The following AEBP2 variants were observed in gnomAD, a reference collection of about 807,000 sequenced individuals.
The protein encoded by AEBP2 is AE binding protein 2.
AEBP2 carries 10 observed loss-of-function variants against 50.8 expected under a neutral mutation model. The ratio of observed to expected loss-of-function variants is 0.20; its 90% CI spans 0.12 to 0.33. The LOEUF (loss-of-function observed/expected upper bound fraction) is 0.33, where lower values mean the gene tolerates loss of function less well. Ranked by LOEUF, AEBP2 falls within the 10% of genes least tolerant of loss-of-function variation. AEBP2 has a pLI of 1.00. For missense variants in AEBP2, 570 were observed against 688.0 expected (o/e 0.83, Z 1.92); for synonymous variants, 296 against 261.3 (o/e 1.13, Z -1.28).
intron 1 of AEBP2, among the ~76,000 whole-genome samples, chr12:19,449,231 T>C (rs1446587127): frequency 6.6e-6 from 1 of 152,170 alleles, no homozygotes; most frequent in Non-Finnish European, 1.5e-5. Flanking sequence ...AATTGCTTCT[T>C]TATTAAATGG....
chr12:19,421,661 C>T (rs559393336), intron 1 of AEBP2, among the ~76,000 whole-genome samples: 1 of 152,224 alleles, frequency 6.6e-6, no homozygotes, highest in East Asian at 1.9e-4. Context: ...AAAAAGAAAA[C>T]GAAACATTCA....
intron 1 of AEBP2, among the ~76,000 whole-genome samples, chr12:19,447,173 T>C (rs1281737065): frequency 6.6e-6 from 1 of 152,238 alleles, no homozygotes; most frequent in Admixed American, 6.5e-5. Context: ...GTGAGGCCTT[T>C]CATGCCAACA....
At chr12:19,457,292 T>G in intron 1 of AEBP2, 1 of 1,563,796 alleles carries the variant, frequency 6.4e-7, no homozygotes, top group Admixed American at 1.7e-5. Context: ...GCAGCAACAA[T>G]CAGGACAGCA....
intron 6 of AEBP2, among the ~76,000 whole-genome samples, chr12:19,512,668 T>TC (rs1409162047): frequency 2.0e-5 from 3 of 148,074 alleles, no homozygotes; most frequent in Admixed American, 1.4e-4. Context: ...AAGCCCCCCC[T>TC]CTTTTTTTTT....
At chr12:19,445,907 T>G (rs1948054713) in intron 1 of AEBP2, 1 of 152,174 alleles carries the variant, frequency 6.6e-6, no homozygotes, top group African/African-American at 2.4e-5. Flanking sequence ...TTCTTTTTTT[T>G]GGACGATAAC....
intron 5 of AEBP2, among the ~76,000 whole-genome samples, chr12:19,512,095 C>T (rs1197852710): frequency 7.2e-5 from 11 of 151,876 alleles, no homozygotes; most frequent in African/African-American, 1.2e-4. Context: ...GATCTTGGCT[C>T]ACTGCAACCG....
At chr12:19,435,492 C>G (rs1430273037), upstream of AEBP2, among the ~76,000 whole-genome samples, 1 of 152,156 alleles carries the variant, frequency 6.6e-6, no homozygotes. Context: ...TCTGTCTCAG[C>G]TCTCCACAGT....
chr12:19,415,792 A>G (rs1435668304), intron 1 of AEBP2, among the ~76,000 whole-genome samples: 2 of 152,146 alleles, frequency 1.3e-5, no homozygotes, highest in East Asian at 3.8e-4. Flanking sequence ...ACCCATGGCA[A>G]TGATGTTTTC....
intron 1 of AEBP2, among the ~76,000 whole-genome samples, chr12:19,415,332 AAAAAAAAAAAAAAAAAAAATAT>A (rs1317825571): frequency 2.7e-4 from 10 of 36,956 alleles, no homozygotes; most frequent in African/African-American, 1.0e-3. Context: ...AAAAAAAAAA[AAAAAAAAAAAAAAAAAAAATAT>A]ATATATATAT....
In AEBP2 at chr12:19,440,107, G is replaced by A. The variant is rs1043209682; in HGVS notation, c.408G>A (p.Glu136=). The A allele has an allele frequency of 7.3e-6, 11 of 1,507,294 alleles. No individual in the cohort carries two copies. The highest frequency in any genetic ancestry group is 9.7e-6 in the Non-Finnish European group (11 of 1,134,210). 93.4% of individuals were successfully genotyped at this position (1,507,294 alleles called of 1,614,324 possible). Reference sequence around the variant, plus strand: ...GCAGCGGCGGGAGCAGCAGCGACGAGACCCGCTCGTTGAGCCCCGGCGCCG... The same window carrying A: ...GCAGCGGCGGGAGCAGCAGCGACGAAACCCGCTCGTTGAGCCCCGGCGCCG... ...VGSSGGSSSD[E]TRSLSPGAAS... is the part of the protein sequence containing the mutation. The change falls in exon 1 of 8, where the codon GAG becomes GAA. Residue 136 remains glutamate (E), a synonymous_variant. Transcript: ENST00000266508.
intron 1 of AEBP2, chr12:19,456,741 G>A: frequency 1.3e-6 from 2 of 1,589,330 alleles, no homozygotes; most frequent in South Asian, 1.1e-5. Context: ...TTCACTCAAA[G>A]CTTCATGGTG....
At chr12:19,493,631 AACTT>A (rs902366377) in intron 3 of AEBP2, among the ~76,000 whole-genome samples, 165 bp from the exon 4 acceptor site, 3 of 152,166 alleles carry the variant, frequency 2.0e-5, no homozygotes, top group Non-Finnish European at 2.9e-5. Context: ...CTTACTTGGC[AACTT>A]ACTTCGTAAA....
chr12:19,500,235 T>G lies in AEBP2; in HGVS notation c.1299+14T>G. 1 of 1,437,792 alleles carries G rather than the reference T, an allele frequency of 7.0e-7. No individual in the cohort carries two copies. The allele number at this position is 1,437,792 out of a possible 1,614,324, so 89.1% of individuals were successfully genotyped here. On this transcript the variant is annotated intron_variant, in intron 5 of 7. Coordinates refer to ENST00000266508, the MANE Select transcript of AEBP2 (RefSeq NM_153207.5). ...TTTCATAGTACTGTAAGTATTCTTT[T>G]ATTTTTTCAAATTAAATATAAAACT...
intron 3 of AEBP2, among the ~76,000 whole-genome samples, chr12:19,483,424 A>G (rs1297590833): frequency 6.6e-6 from 1 of 152,070 alleles, no homozygotes; most frequent in African/African-American, 2.4e-5. Flanking sequence ...TTGGGAACTC[A>G]CAGTTTTTTA....
chr12:19,440,635 A>T (rs1287239214), intron 1 of AEBP2: 1 of 1,522,428 alleles, frequency 6.6e-7, no homozygotes, highest in Non-Finnish European at 8.8e-7. Context: ...CACGGACCTC[A>T]GGACGGCTCT....
chr12:19,408,538 G>GA (rs74215633), intron 1 of AEBP2, among the ~76,000 whole-genome samples: 546 of 113,752 alleles, frequency 4.8e-3, no homozygotes, highest in African/African-American at 0.011. Flanking sequence ...CACAGAGCAA[G>GA]AAAAAAAAAA....
At position 19,474,414 on chromosome 12, in the gene AEBP2, A is replaced by G. The variant is rs181098977; in HGVS notation, c.987+1059A>G. Among the ~76,000 whole-genome samples the G allele has an allele frequency of 4.7e-4, 71 of 152,306 alleles. 1 individual carries two copies. The highest frequency in any genetic ancestry group is 3.5e-3 in the Admixed American group (54 of 15,300). ...CTTTTAAAAACAACCTTTTTGGAAAAAGCAATCAGCAAGTTAAAACATTAT... is the reference window on the plus strand; with the variant it reads ...CTTTTAAAAACAACCTTTTTGGAAAGAGCAATCAGCAAGTTAAAACATTAT... On this transcript the variant is annotated intron_variant, in intron 3 of 7. Coordinates refer to ENST00000266508, the MANE Select transcript of AEBP2 (RefSeq NM_153207.5).
Position 19,473,386 on chromosome 12 carries a change from T to A in AEBP2, c.987+31T>A, listed in dbSNP as rs1203471688. The A allele has an allele frequency of 2.4e-5, 12 of 490,320 alleles. 1 individual carries two copies. Among genetic ancestry groups the A allele is most frequent in the African/African-American group, 1.8e-4 (6 of 33,584 alleles). 30.4% of individuals were successfully genotyped at this position (490,320 alleles called of 1,614,324 possible). A position where few individuals can be genotyped will look rare whatever the true frequency, so the allele number is the denominator to read the frequency against. On this transcript the variant is annotated intron_variant, in intron 3 of 7. Transcript: ENST00000266508. ...GATGCATGTATATAAAATTTATTTA[T>A]TTATTTATTTATTTATTTATTTATT...
intron 1 of AEBP2, among the ~76,000 whole-genome samples, chr12:19,420,508 A>T (rs116292416): frequency 1.3e-5 from 2 of 148,180 alleles, no homozygotes; most frequent in African/African-American, 2.5e-5. Context: ...TAATTTTTCT[A>T]TTTCTAGTAG....
Sources: gnomAD v4.1 joint callset for allele counts (sites outside exome capture counted in the v4.1 genomes callset) on GRCh38, gnomAD v4.1.1 for gene constraint, MANE v1.5 for transcripts, NCBI Gene and HGNC (gene_info 2026-07-23, HGNC 2026-07-21) for gene names.